Variants in ATP5F1D observed in about 807,000 individuals in gnomAD.
ATP5F1D encodes ATP synthase F1 subunit delta.
In ATP5F1D, 16 loss-of-function variants were observed where a neutral mutation model predicts 13.0. The observed-to-expected ratio is 1.23, with a 90% CI of 0.83 to 1.87. The LOEUF (loss-of-function observed/expected upper bound fraction) is 1.87, where lower values mean the gene tolerates loss of function less well. ATP5F1D is among the 40% of genes most tolerant of loss of function. The pLI is 0.00. For synonymous variants in ATP5F1D, 129 were observed against 116.2 expected (o/e 1.11, Z -0.71); for missense variants, 294 against 246.2 (o/e 1.19, Z -1.30).
Position 1,241,992 on chromosome 19 carries a change from G to T in ATP5F1D, c.141+1G>T. On this transcript the variant is annotated splice_donor_variant, in intron 1 of 3. Coordinates refer to ENST00000215375, the MANE Select transcript of ATP5F1D (RefSeq NM_001687.5). LOFTEE classifies it high-confidence loss of function. ...CTTCACCTTCGCCTCTCCCACGCAG[G>T]TTCGGGCGCTGCGGGTCGGGACCCT... 2.3e-5 allele frequency: 33 copies of T among 1,444,142 alleles called. No homozygotes were observed. Among genetic ancestry groups the T allele is most frequent in the Non-Finnish European group, 2.9e-5 (32 of 1,097,694 alleles). 89.5% of individuals were successfully genotyped at this position (1,444,142 alleles called of 1,614,324 possible).
chr19:1,244,015 G>C (rs1342785051), intron 2 of ATP5F1D, 82 bp from the exon 3 acceptor site: 2 of 1,361,342 alleles, frequency 1.5e-6, no homozygotes, highest in African/African-American at 1.4e-5. Flanking sequence ...GTTCACAGGG[G>C]GCTCTGGACT....
At chr19:1,244,005 G>T in intron 2 of ATP5F1D, 92 bp from the exon 3 acceptor site, 2 of 1,297,986 alleles carry the variant, frequency 1.5e-6, no homozygotes, top group Middle Eastern at 1.9e-4. Context: ...GGAGCTCCTG[G>T]TTCACAGGGG....
rs1197567990 is a variant in ATP5F1D at position 1,242,438 on chromosome 19, C to A, written c.142-18C>A. ...GGCCGGCCTGCCCCGCCATCATTCCCCACGCTGTTGTCTGCAGGTGTTCTT... is the reference window on the plus strand; with the variant it reads ...GGCCGGCCTGCCCCGCCATCATTCCACACGCTGTTGTCTGCAGGTGTTCTT... On this transcript the variant is annotated intron_variant, in intron 1 of 3. Coordinates refer to ENST00000215375, the MANE Select transcript of ATP5F1D (RefSeq NM_001687.5). The A allele has an allele frequency of 6.7e-7, 1 of 1,499,490 alleles. No individual in the cohort carries two copies. The highest frequency in any genetic ancestry group is 2.5e-5 in the East Asian group (1 of 40,186). 92.9% of individuals were successfully genotyped at this position (1,499,490 alleles called of 1,614,324 possible). A position where few individuals can be genotyped will look rare whatever the true frequency, so the allele number is the denominator to read the frequency against.
chr19:1,244,601 G>A lies in ATP5F1D; in HGVS notation c.*164G>A, dbSNP rs542366555. 4 of 1,162,482 alleles carry A rather than the reference G, an allele frequency of 3.4e-6. No homozygotes were observed. Among genetic ancestry groups the A allele is most frequent in the African/African-American group, 1.6e-5 (1 of 63,944 alleles). 72.0% of individuals were successfully genotyped at this position (1,162,482 alleles called of 1,614,324 possible). On this transcript the variant is annotated 3_prime_UTR_variant, in exon 4 of 4. Coordinates refer to ENST00000215375, the MANE Select transcript of ATP5F1D (RefSeq NM_001687.5). The stretch of plus-strand genomic sequence containing the variant: ...TGCCTGGGCCCCAGGCCCTGCCTGT[G>A]TTGAAAGCTCTGGGGACTGGGCCAG...
Position 1,244,694 on chromosome 19 carries a change from C to T in ATP5F1D, c.*257C>T. On this transcript the variant is annotated 3_prime_UTR_variant, in exon 4 of 4. Coordinates refer to ENST00000215375, the MANE Select transcript of ATP5F1D (RefSeq NM_001687.5). ...GGCTCTCCTTCCGCCTCTCAAGATC[C>T]CCCCAGCCTGACGGGCCGCTTACCA... 1.9e-6 allele frequency: 1 copy of T among 530,128 alleles called. No individual in the cohort carries two copies. The highest frequency in any genetic ancestry group is 3.5e-5 in the East Asian group (1 of 28,182). The allele number at this position is 530,128 out of a possible 1,614,324, so 32.8% of individuals were successfully genotyped here.
chr19:1,243,129 G>C (rs1320279570), intron 2 of ATP5F1D: 1 of 152,730 alleles, frequency 6.5e-6, no homozygotes, highest in African/African-American at 2.4e-5. Context: ...GAGGAGCCTG[G>C]GCTGGCCGGT....
At position 1,242,777 on chromosome 19, in the gene ATP5F1D, G is replaced by A. The variant is rs912824332; in HGVS notation, c.295+168G>A. The A allele has an allele frequency of 1.9e-5, 16 of 826,360 alleles. No homozygotes were observed. The African/African-American group carries it at 2.7e-4, about 14-fold the overall frequency. The allele number at this position is 826,360 out of a possible 1,614,324, so 51.2% of individuals were successfully genotyped here. A position where few individuals can be genotyped will look rare whatever the true frequency, so the allele number is the denominator to read the frequency against. ...GGCCGAGGCAGGTGGATCACCTGAG[G>A]TCAGAAGTTCGGAGACCAGCCTGGC... On this transcript the variant is annotated intron_variant, in intron 2 of 3. Transcript: ENST00000215375.
intron 2 of ATP5F1D, 74 bp from the exon 3 acceptor site, chr19:1,244,023 A>G (rs2081050031): frequency 1.4e-6 from 2 of 1,448,338 alleles, no homozygotes; most frequent in African/African-American, 2.8e-5. Flanking sequence ...GGGGCTCTGG[A>G]CTTGACCAGG....
chr19:1,241,775 T>G lies in ATP5F1D; in HGVS notation c.-76T>G. On this transcript the variant is annotated 5_prime_UTR_variant, in exon 1 of 4. Coordinates refer to ENST00000215375, the MANE Select transcript of ATP5F1D (RefSeq NM_001687.5). Reference sequence around the variant, plus strand: ...CAGACGTCCCTGCGCGTCGTCCTCCTCGCCCTCCAGGCCGCCCGCGCCGCG... The same window carrying G: ...CAGACGTCCCTGCGCGTCGTCCTCCGCGCCCTCCAGGCCGCCCGCGCCGCG... 7.9e-7 allele frequency: 1 copy of G among 1,265,684 alleles called. No individual in the cohort carries two copies. Among genetic ancestry groups the G allele is most frequent in the Middle Eastern group, 3.1e-4 (1 of 3,234 alleles). The allele number at this position is 1,265,684 out of a possible 1,614,324, so 78.4% of individuals were successfully genotyped here. A position where few individuals can be genotyped will look rare whatever the true frequency, so the allele number is the denominator to read the frequency against.
At chr19:1,242,704 T>A (rs941195045) in intron 2 of ATP5F1D, 95 bp downstream of exon 2, 14 of 1,364,782 alleles carry the variant, frequency 1.0e-5, no homozygotes, top group Admixed American at 3.3e-5. Context: ...AAAAAATAGT[T>A]TTAGGCCGGG....
intron 2 of ATP5F1D, 143 bp downstream of exon 2, chr19:1,242,752 G>A: frequency 1.9e-6 from 2 of 1,077,920 alleles, no homozygotes; most frequent in South Asian, 2.4e-5. Context: ...CACTTTGGGA[G>A]GCCGAGGCAG....
At position 1,244,744 on chromosome 19, in the gene ATP5F1D, C is replaced by T. The variant is rs190341220; in HGVS notation, c.*307C>T. On this transcript the variant is annotated 3_prime_UTR_variant, in exon 4 of 4. Coordinates refer to ENST00000215375, the MANE Select transcript of ATP5F1D (RefSeq NM_001687.5). ...ATCCCCTCTGCCCTGCAGAGCCAGCCGCCAAGGTTGACCTCAGCTTCGGAG... is the reference window on the plus strand; with the variant it reads ...ATCCCCTCTGCCCTGCAGAGCCAGCTGCCAAGGTTGACCTCAGCTTCGGAG... 112 of 330,178 alleles carry T rather than the reference C, an allele frequency of 3.4e-4. No homozygotes were observed. In the South Asian group the frequency reaches 3.7e-3, roughly 11 times the overall value. 20.5% of individuals were successfully genotyped at this position (330,178 alleles called of 1,614,324 possible). A position where few individuals can be genotyped will look rare whatever the true frequency, so the allele number is the denominator to read the frequency against.
chr19:1,243,523 G>A (rs2081047766), intron 2 of ATP5F1D, among the ~76,000 whole-genome samples: 1 of 152,078 alleles, frequency 6.6e-6, no homozygotes, highest in Admixed American at 6.6e-5. Flanking sequence ...GGTTGTAGTG[G>A]TGCACACCTG....
Position 1,241,946 on chromosome 19 carries a change from C to A in ATP5F1D, c.96C>A (p.Ala32=). 1 of 1,497,702 alleles carries A rather than the reference C, an allele frequency of 6.7e-7. No individual in the cohort carries two copies. Among genetic ancestry groups the A allele is most frequent in the Non-Finnish European group, 8.9e-7 (1 of 1,125,686 alleles). The allele number at this position is 1,497,702 out of a possible 1,614,324, so 92.8% of individuals were successfully genotyped here. ...YAEAAAAPAA[A]SGPNQMSFTF... ...AGGCCGCCGCCGCCCCGGCTGCCGC[C>A]TCTGGCCCCAACCAGATGTCCTTCA... The change falls in exon 1 of 4, where the codon GCC becomes GCA. Residue 32 remains alanine, a synonymous_variant. Transcript: ENST00000215375.
intron 2 of ATP5F1D, chr19:1,243,354 C>T (rs2081047137): frequency 6.6e-6 from 1 of 151,650 alleles, no homozygotes; most frequent in Admixed American, 6.6e-5. Flanking sequence ...CCTGTCTCTA[C>T]AAAAAATAAA....
At position 1,242,455 on chromosome 19, in the gene ATP5F1D, G is replaced by A; in HGVS notation, c.142-1G>A. 6.6e-7 allele frequency: 1 copy of A among 1,521,920 alleles called. No homozygotes were observed. The highest frequency in any genetic ancestry group is 2.4e-5 in the East Asian group (1 of 41,170). 94.3% of individuals were successfully genotyped at this position (1,521,920 alleles called of 1,614,324 possible). A position where few individuals can be genotyped will look rare whatever the true frequency, so the allele number is the denominator to read the frequency against. On this transcript the variant is annotated splice_acceptor_variant, in intron 1 of 3. Transcript: ENST00000215375. LOFTEE classifies it high-confidence loss of function. ...ATCATTCCCCACGCTGTTGTCTGCA[G>A]GTGTTCTTCAACGGTGCCAACGTCC...
chr19:1,242,563 G>A lies in ATP5F1D; in HGVS notation c.249G>A (p.Gly83=), dbSNP rs770982882. 8 of 1,545,286 alleles carry A rather than the reference G, an allele frequency of 5.2e-6. No homozygotes were observed. Among genetic ancestry groups the A allele is most frequent in the Non-Finnish European group, 7.0e-6 (8 of 1,143,978 alleles). Residue 83 remains glycine, a synonymous_variant, in exon 2 of 4, where the codon GGG becomes GGA. Transcript: ENST00000215375. ...HVPTLQVLRP[G]LVVVHAEDGT... ...CCACGCTGCAGGTCCTGCGGCCGGG[G>A]CTGGTCGTGGTGCATGCAGAGGACG...
Position 1,241,908 on chromosome 19 carries a change from C to G in ATP5F1D, c.58C>G (p.Arg20Gly). Reference sequence around the variant, plus strand: ...ACTTGGCCGCCTCGTCCGCCACGCCCGTGCCTATGCCGAGGCCGCCGCCGC... The same window carrying G: ...ACTTGGCCGCCTCGTCCGCCACGCCGGTGCCTATGCCGAGGCCGCCGCCGC... ...PGLGRLVRHA[R>G]AYAEAAAAPA... The change falls in exon 1 of 4, where the codon CGT becomes GGT. Residue 20 changes from arginine to glycine, a missense_variant. Arg to Gly is a moderately radical substitution (Grantham distance 125). Coordinates refer to ENST00000215375, the MANE Select transcript of ATP5F1D (RefSeq NM_001687.5). The G allele has an allele frequency of 1.3e-6, 2 of 1,486,694 alleles. No homozygotes were observed. Among genetic ancestry groups the G allele is most frequent in the South Asian group, 2.6e-5 (2 of 77,168 alleles). 92.1% of individuals were successfully genotyped at this position (1,486,694 alleles called of 1,614,324 possible).
rs1433176757 is a variant in ATP5F1D, at chr19:1,244,599, G to C, written c.*162G>C. 3 of 1,175,700 alleles carry C rather than the reference G, an allele frequency of 2.6e-6. No individual in the cohort carries two copies. The Admixed American group carries it at 8.7e-5, about 34-fold the overall frequency. The allele number at this position is 1,175,700 out of a possible 1,614,324, so 72.8% of individuals were successfully genotyped here. ...TCTGCCTGGGCCCCAGGCCCTGCCT[G>C]TGTTGAAAGCTCTGGGGACTGGGCC... On this transcript the variant is annotated 3_prime_UTR_variant, in exon 4 of 4. Transcript: ENST00000215375.
Sources: allele counts gnomAD v4.1 joint callset (sites outside exome capture counted in the v4.1 genomes callset), GRCh38; gene constraint gnomAD v4.1.1; transcripts MANE v1.5; gene names NCBI Gene and HGNC (gene_info 2026-07-23, HGNC 2026-07-21).